NAA35: variants seen among roughly 807,000 people sequenced by gnomAD.
NAA35 encodes the protein N-alpha-acetyltransferase 35, NatC auxiliary subunit.
In NAA35, 18 loss-of-function variants were observed where a neutral mutation model predicts 101.7. The ratio of observed to expected loss-of-function variants is 0.18; its 90% confidence interval spans 0.12 to 0.26. NAA35 has a LOEUF of 0.26. Among genes scored for constraint, NAA35 ranks in the 10% least tolerant of loss-of-function variants. NAA35 has a pLI of 1.00. For synonymous variants in NAA35, 267 were observed against 273.1 expected, an observed-to-expected ratio of 0.98 and a Z score of 0.22; for missense variants, 601 against 886.8, an observed-to-expected ratio of 0.68 and a Z score of 4.09.
intron 11 of NAA35, among the ~76,000 whole-genome samples, chr9:85,994,968 T>A (rs1304673259): frequency 6.6e-6 from 1 of 152,186 alleles, no homozygotes; most frequent in African/African-American, 2.4e-5. Flanking sequence ...ATTGTGTACA[T>A]GTATCAAAAT....
intron 2 of NAA35, among the ~76,000 whole-genome samples, chr9:85,949,437 G>A (rs547752774): frequency 3.8e-4 from 58 of 152,046 alleles, no homozygotes; most frequent in African/African-American, 1.2e-3. Context: ...TGGGACTACA[G>A]GTGCCTGCCA....
At chr9:85,973,382 CAG>C (rs1412514306) in intron 6 of NAA35, among the ~76,000 whole-genome samples, 1 of 152,104 alleles carries the variant, frequency 6.6e-6, no homozygotes, top group Non-Finnish European at 1.5e-5. Context: ...TAAATTATAG[CAG>C]GGACTAGTGT....
chr9:85,956,120 TATTCTC>T (rs1351081130), intron 2 of NAA35, among the ~76,000 whole-genome samples: 1 of 152,212 alleles, frequency 6.6e-6, no homozygotes, highest in Non-Finnish European at 1.5e-5. Flanking sequence ...ATGGGTCACT[TATTCTC>T]AAAAGTATTA....
At position 85,945,785 on chromosome 9, in the gene NAA35, C is replaced by A. The variant is rs145849543; in HGVS notation, c.124+3502C>A. On this transcript the variant is annotated intron_variant, in intron 2 of 22. Transcript: ENST00000361671. ...CCATCCACCTCGGCCTCTCAAAGTGCTGGGATTACAGGCATGAGCCACTGT... is the reference window on the plus strand; with the variant it reads ...CCATCCACCTCGGCCTCTCAAAGTGATGGGATTACAGGCATGAGCCACTGT... Among the ~76,000 whole-genome samples the A allele has an allele frequency of 5.2e-3, 791 of 152,202 alleles. 4 individuals are homozygous for A. The highest frequency in any genetic ancestry group is 0.018 in the African/African-American group (755 of 41,520).
intron 17 of NAA35, 74 bp from the exon 18 acceptor site, chr9:86,016,465 A>C: frequency 9.1e-7 from 1 of 1,104,928 alleles, no homozygotes; most frequent in Non-Finnish European, 1.3e-6. Flanking sequence ...TGAAATATCT[A>C]TCGTTAATAT....
chr9:85,947,520 G>A (rs1176384161), intron 2 of NAA35, among the ~76,000 whole-genome samples: 1 of 152,148 alleles, frequency 6.6e-6, no homozygotes, highest in Non-Finnish European at 1.5e-5. Context: ...GTGGAGCATG[G>A]GTGAGATGGC....
intron 2 of NAA35, among the ~76,000 whole-genome samples, chr9:85,954,956 C>T (rs1484012178): frequency 1.3e-5 from 2 of 152,128 alleles, no homozygotes; most frequent in Non-Finnish European, 2.9e-5. Context: ...CTCCTTCTGT[C>T]ACCCAGGTTG....
rs146931695 is a variant in NAA35, at chr9:85,977,250, C to T, written c.679-113C>T. ...TTTTAAAAGCCTGTAAGTGAAGGTGCCTGTAATGTAGTAAGTTATTAACAT... is the reference window on the plus strand; with the variant it reads ...TTTTAAAAGCCTGTAAGTGAAGGTGTCTGTAATGTAGTAAGTTATTAACAT... On this transcript the variant is annotated intron_variant, in intron 9 of 22. Transcript: ENST00000361671. The T allele has an allele frequency of 3.7e-3, 2,715 of 742,636 alleles. 65 individuals are homozygous for T. The highest frequency in any genetic ancestry group is 0.028 in the South Asian group (1,813 of 65,494). 46.0% of individuals were successfully genotyped at this position (742,636 alleles called of 1,614,324 possible).
In NAA35 at chr9:85,967,799, C is replaced by CAA. The variant is rs201125485; in HGVS notation, c.516+5630_516+5631dup. ...CCTGGGTGACAGAGTGAGACTGTCT[C>CAA]AAAAAAAAAAAAGATTTATAATGAG... On this transcript the variant is annotated intron_variant, in intron 6 of 22. Transcript: ENST00000361671. 2.9e-3 allele frequency among the ~76,000 whole-genome samples: 389 copies of CAA among 135,234 alleles called. 1 individual carries two copies. Among genetic ancestry groups the CAA allele is most frequent in the Non-Finnish European group, 4.2e-3 (255 of 61,344 alleles). 88.7% of individuals were successfully genotyped at this position (135,234 alleles called of 152,430 possible).
chr9:85,976,425 T>G (rs1394729670), intron 8 of NAA35, among the ~76,000 whole-genome samples: 1 of 152,160 alleles, frequency 6.6e-6, no homozygotes, highest in East Asian at 1.9e-4. Context: ...ATACTTCTGC[T>G]TATGTTATTT....
chr9:86,000,960 T>A (rs1831396428), intron 12 of NAA35, among the ~76,000 whole-genome samples: 1 of 152,182 alleles, frequency 6.6e-6, no homozygotes, highest in African/African-American at 2.4e-5. Flanking sequence ...TTGGTTTCTC[T>A]GATTCTTTCA....
intron 2 of NAA35, among the ~76,000 whole-genome samples, chr9:85,950,640 A>G (rs1828978385): frequency 6.6e-6 from 1 of 152,092 alleles, no homozygotes. Context: ...TTGCTTCTAG[A>G]TCTGTGGGGT....
intron 11 of NAA35, among the ~76,000 whole-genome samples, chr9:85,992,853 A>G (rs969260844): frequency 1.3e-5 from 2 of 152,190 alleles, no homozygotes; most frequent in Non-Finnish European, 2.9e-5. Context: ...CTGTATTGTG[A>G]TTATGTAAGA....
chr9:85,948,344 A>C (rs997123823), intron 2 of NAA35, among the ~76,000 whole-genome samples: 1 of 152,292 alleles, frequency 6.6e-6, no homozygotes, highest in Admixed American at 6.5e-5. Context: ...GAATTCATTA[A>C]TTCTACCAGT....
intron 11 of NAA35, among the ~76,000 whole-genome samples, chr9:85,995,597 C>G (rs1468365487): frequency 6.6e-6 from 1 of 152,088 alleles, no homozygotes; most frequent in African/African-American, 2.4e-5. Flanking sequence ...ATAACAACAG[C>G]TATTCAGCTT....
intron 1 of NAA35, 194 bp from the exon 2 acceptor site, chr9:85,941,961 G>C: frequency 8.0e-7 from 1 of 1,251,716 alleles, no homozygotes; most frequent in Non-Finnish European, 1.0e-6. Context: ...ATAGTAAGCA[G>C]CAGGAGTGTT....
At chr9:86,010,760 A>C (rs1831883497) in intron 15 of NAA35, among the ~76,000 whole-genome samples, 1 of 148,970 alleles carries the variant, frequency 6.7e-6, no homozygotes, top group South Asian at 2.2e-4. Flanking sequence ...TTGTATTTTT[A>C]GTAGAGACGG....
chr9:85,990,278 T>A (rs1434434952), intron 11 of NAA35, among the ~76,000 whole-genome samples: 24 of 152,248 alleles, frequency 1.6e-4, no homozygotes, highest in Admixed American at 1.5e-3. Flanking sequence ...TTAATCTGTT[T>A]AGGAGACATC....
At chr9:86,012,227 C>T (rs952189755) in intron 15 of NAA35, among the ~76,000 whole-genome samples, 4 of 150,896 alleles carry the variant, frequency 2.7e-5, no homozygotes, top group Non-Finnish European at 5.9e-5. Flanking sequence ...TCAAGAAGTT[C>T]TCTGCCTCAG....
Sources: allele counts gnomAD v4.1 joint callset (sites outside exome capture counted in the v4.1 genomes callset), GRCh38; gene constraint gnomAD v4.1.1; transcripts MANE v1.5; gene names NCBI Gene and HGNC (gene_info 2026-07-23, HGNC 2026-07-21).